Variants in XPO6 observed in about 807,000 individuals in gnomAD.
XPO6 encodes the protein exportin 6, also known as exportin-6.
A neutral mutation model predicts 130.0 loss-of-function variants in XPO6; 3 were observed. The ratio of observed to expected loss-of-function variants is 0.02; its 90% CI spans 0.01 to 0.06. XPO6 has a LOEUF of 0.06. Among genes scored for constraint, XPO6 ranks in the 10% least tolerant of loss-of-function variants. The pLI is 1.00. For synonymous variants in XPO6, 524 were observed against 548.9 expected (o/e 0.95, Z 0.63); for missense variants, 970 against 1,393.0 (o/e 0.70, Z 4.83).
In XPO6 at chr16:28,126,025, C is replaced by G. The variant is rs531286293; in HGVS notation, c.1607-177G>C. On this transcript the variant is annotated intron_variant, in intron 12 of 23. Transcript: ENST00000304658. ...GCAGGGAAACTGGGCCCGGTATCCACCTAACACTACACGTTTGTGCTCCAG... is the reference window on the plus strand; with the variant it reads ...GCAGGGAAACTGGGCCCGGTATCCAGCTAACACTACACGTTTGTGCTCCAG... Among the ~76,000 whole-genome samples, 201 of 152,320 alleles carry G rather than the reference C, an allele frequency of 1.3e-3. 2 individuals are homozygous for G. The highest frequency in any genetic ancestry group is 1.6e-3 in the Non-Finnish European group (109 of 68,026).
At chr16:28,115,184 G>A (rs993726720) in intron 15 of XPO6, among the ~76,000 whole-genome samples, 3 of 152,148 alleles carry the variant, frequency 2.0e-5, no homozygotes, top group Non-Finnish European at 4.4e-5. Context: ...TGTCTTTAAT[G>A]GCATCTAGAA....
intron 1 of XPO6, among the ~76,000 whole-genome samples, chr16:28,200,259 T>C (rs925189875): frequency 2.6e-5 from 4 of 152,052 alleles, no homozygotes; most frequent in African/African-American, 9.7e-5. Context: ...GCTTATAAAA[T>C]ACCCTTAACT....
At chr16:28,198,426 T>C (rs1170079747) in intron 1 of XPO6, among the ~76,000 whole-genome samples, 1 of 152,010 alleles carries the variant, frequency 6.6e-6, no homozygotes, top group African/African-American at 2.4e-5. Context: ...GCAGAGAAGA[T>C]TTTGTGTTTC....
At chr16:28,126,360 A>G (rs1425771700) in intron 12 of XPO6, among the ~76,000 whole-genome samples, 1 of 152,202 alleles carries the variant, frequency 6.6e-6, no homozygotes, top group African/African-American at 2.4e-5. Context: ...GAGGAGAGGT[A>G]CACTCAGCAC....
At chr16:28,206,420 G>A (rs1567654597) in intron 1 of XPO6, among the ~76,000 whole-genome samples, 2 of 152,092 alleles carry the variant, frequency 1.3e-5, no homozygotes, top group Non-Finnish European at 2.9e-5. Flanking sequence ...GGTGGCATGG[G>A]CCTGTAGTCT....
chr16:28,166,606 G>A, intron 5 of XPO6, 21 bp from the exon 6 acceptor site: 1 of 1,563,540 alleles, frequency 6.4e-7, no homozygotes, highest in Non-Finnish European at 8.7e-7. Flanking sequence ...AGGAGAAACA[G>A]AGTTATAAGA....
chr16:28,121,680 G>A lies in XPO6; in HGVS notation c.1849C>T (p.Leu617Phe). 1 of 1,608,950 alleles carries A rather than the reference G, an allele frequency of 6.2e-7. No individual in the cohort carries two copies. Among genetic ancestry groups the A allele is most frequent in the African/African-American group, 1.3e-5 (1 of 74,892 alleles). ...AAACTCTAGACTTACACATCAATGAGGTCAGGTTTCAATACTGATGGCACA... is the reference window on the plus strand; with the variant it reads ...AAACTCTAGACTTACACATCAATGAAGTCAGGTTTCAATACTGATGGCACA... The part of the protein sequence containing the change: ...TAVPSVLKPD[L>F]IDVHAQSLAA... Residue 617 changes from leucine (L) to phenylalanine (F), a missense_variant, in exon 14 of 24, where the codon CTC becomes TTC. Around this residue, in one of 4 missense-constraint regions of XPO6, gnomAD observed 936 missense variants for 1,306.8 expected, o/e 0.72. Transcript: ENST00000304658.
rs2086789121 is a variant in XPO6 at position 28,106,649 on chromosome 16, T to C, written c.2498-152A>G. 1.6e-6 allele frequency: 1 copy of C among 640,174 alleles called. No homozygotes were observed. Among genetic ancestry groups the C allele is most frequent in the African/African-American group, 1.8e-5 (1 of 54,826 alleles). 39.7% of individuals were successfully genotyped at this position (640,174 alleles called of 1,614,324 possible). The stretch of plus-strand genomic sequence containing the variant: ...TCCCCAACACCATCAGGGCCAATGA[T>C]GGAAAGTGGAAAACGATTAGGGACA... On this transcript the variant is annotated intron_variant, in intron 18 of 23. Coordinates refer to ENST00000304658, the MANE Select transcript of XPO6 (RefSeq NM_015171.4). The surrounding 1 kb of genome is among the most constrained non-coding windows in gnomAD (Gnocchi z 4.2).
rs369570147 is a variant in XPO6 at position 28,101,533 on chromosome 16, T to C, written c.3201A>G (p.Pro1067=). 8.7e-6 allele frequency: 14 copies of C among 1,614,140 alleles called. No homozygotes were observed. The highest frequency in any genetic ancestry group is 1.2e-5 in the Non-Finnish European group (14 of 1,180,056). Residue 1067 remains proline (P), a synonymous_variant, in exon 23 of 24, where the codon CCA becomes CCG. Transcript: ENST00000304658. The surrounding 1 kb of genome is among the most constrained non-coding windows in gnomAD (Gnocchi z 5.4). ...DFDGFFAAFL[P]EFLTSCDGVD... The stretch of plus-strand genomic sequence containing the variant: ...CACCATCACAGCTGGTCAGGAACTC[T>C]GGGAGGAAGGCGGCAAAGAAGCCAT...
In XPO6 at chr16:28,117,450, G is replaced by C. The variant is rs760953189; in HGVS notation, c.1872C>G (p.Ser624=). ...KPDLIDVHAQ[S]LAALQAYSHW... is the part of the protein sequence containing the mutation. ...GAGAGTAAGCCTGCAGCGCAGCCAG[G>C]GACTGAGCATGCCTGCAGAAAGAAA... The change falls in exon 15 of 24, where the codon TCC becomes TCG. Residue 624 remains serine, a synonymous_variant. Transcript: ENST00000304658. The C allele has an allele frequency of 6.2e-7, 1 of 1,613,798 alleles. No homozygotes were observed. The highest frequency in any genetic ancestry group is 1.7e-5 in the Admixed American group (1 of 60,012).
At chr16:28,159,907 C>T (rs1567630224) in intron 6 of XPO6, among the ~76,000 whole-genome samples, 1 of 152,090 alleles carries the variant, frequency 6.6e-6, no homozygotes, top group South Asian at 2.1e-4. Context: ...AAAACCTGGC[C>T]GGGCACAGTC....
chr16:28,161,119 C>T, intron 6 of XPO6, among the ~76,000 whole-genome samples: 1 of 152,186 alleles, frequency 6.6e-6, no homozygotes, highest in East Asian at 1.9e-4. Flanking sequence ...TGTGTCTATT[C>T]TATCATATTA....
chr16:28,152,529 G>A, intron 8 of XPO6, 130 bp downstream of exon 8: 4 of 1,149,100 alleles, frequency 3.5e-6, no homozygotes, highest in Non-Finnish European at 4.7e-6. Context: ...GATTAAACCT[G>A]TGACTCTTCA....
chr16:28,172,411 A>G (rs2043463243), intron 4 of XPO6, among the ~76,000 whole-genome samples: 1 of 152,142 alleles, frequency 6.6e-6, no homozygotes, highest in Non-Finnish European at 1.5e-5. Context: ...AACAGAAGAA[A>G]CAGCAATTCT....
At position 28,186,646 on chromosome 16, in the gene XPO6, A is replaced by G. The variant is rs530220579; in HGVS notation, c.4-5615T>C. ...TGGCCTCCCAAAATGCTGGGATCAC[A>G]GGTGGGAGCCTCTGCATTCAGCCTA... On this transcript the variant is annotated intron_variant, in intron 1 of 23. Transcript: ENST00000304658. Among the ~76,000 whole-genome samples the G allele has an allele frequency of 3.3e-4, 50 of 149,764 alleles. 2 individuals carry two copies. Among genetic ancestry groups the G allele is most frequent in the Admixed American group, 3.3e-3 (49 of 14,942 alleles).
At chr16:28,197,854 G>A (rs553856711) in intron 1 of XPO6, among the ~76,000 whole-genome samples, 33 of 145,838 alleles carry the variant, frequency 2.3e-4, no homozygotes, top group African/African-American at 8.1e-4. Flanking sequence ...GGGAGGCGGA[G>A]GTTACAGTGA....
At chr16:28,125,647 C>T (rs2087380202) in intron 13 of XPO6, 42 bp downstream of exon 13, 3 of 1,590,848 alleles carry the variant, frequency 1.9e-6, no homozygotes, top group Non-Finnish European at 2.6e-6. Context: ...TAAAGCTGAA[C>T]TCTGAAGAAG....
chr16:28,142,597 G>A (rs1434580518), intron 9 of XPO6, among the ~76,000 whole-genome samples: 1 of 152,140 alleles, frequency 6.6e-6, no homozygotes, highest in African/African-American at 2.4e-5. Flanking sequence ...TAGAGACAGA[G>A]TCTTGCTCTG....
chr16:28,185,268 G>C lies in XPO6; in HGVS notation c.4-4237C>G, dbSNP rs993578196. 2.0e-5 allele frequency among the ~76,000 whole-genome samples: 3 copies of C among 152,292 alleles called. No homozygotes were observed. In the South Asian group the frequency reaches 6.2e-4, roughly 32 times the overall value. Reference sequence around the variant, plus strand: ...CCAGCTACTTGGGGGGCTGAGGCAAGAGGATCACTCGAGCCCAGGAGTTCA... The same window carrying C: ...CCAGCTACTTGGGGGGCTGAGGCAACAGGATCACTCGAGCCCAGGAGTTCA... On this transcript the variant is annotated intron_variant, in intron 1 of 23. Coordinates refer to ENST00000304658, the MANE Select transcript of XPO6 (RefSeq NM_015171.4).
Sources: allele counts gnomAD v4.1 joint callset (sites outside exome capture counted in the v4.1 genomes callset), GRCh38; gene constraint gnomAD v4.1.1; regional missense constraint gnomAD v4.1.1; non-coding constraint Gnocchi (gnomAD v3.1); transcripts MANE v1.5; gene names NCBI Gene and HGNC (gene_info 2026-07-23, HGNC 2026-07-21).